Variants in NCOR1 observed in about 807,000 individuals in gnomAD.
NCOR1 encodes protein phosphatase 1, regulatory subunit 109.
NCOR1 carries 63 observed loss-of-function variants against 288.1 expected under a neutral mutation model. That is an observed-to-expected ratio of 0.22 (90% CI 0.18 to 0.27). The LOEUF is 0.27. Ranked by LOEUF, NCOR1 falls within the 10% of genes least tolerant of loss-of-function variation. The pLI, the probability that NCOR1 is intolerant of heterozygous loss-of-function variation, is 1.00. For missense variants in NCOR1, 2,397 were observed against 3,019.2 expected (o/e 0.79, Z 4.83); for synonymous variants, 1,007 against 1,065.9 (o/e 0.94, Z 1.08).
intron 3 of NCOR1, among the ~76,000 whole-genome samples, chr17:16,174,695 T>G (rs2083767050): frequency 6.6e-6 from 1 of 152,154 alleles, no homozygotes; most frequent in Admixed American, 6.5e-5. Context: ...TTAAATAAAC[T>G]ACGAAAATCT....
chr17:16,080,653 T>G lies in NCOR1; in HGVS notation c.3252A>C (p.Gly1084=), dbSNP rs2063251848. The change falls in exon 24 of 46, where the codon GGA becomes GGC. Residue 1084 remains glycine (G), a synonymous_variant. Transcript: ENST00000268712. The part of the protein sequence containing the change: ...YTQETPKPSV[G]SISLGLPRQQ... ...GCCGTGGCAGTCCAAGAGAGATAGA[T>G]CCCACTGACGGCTTGGGTGTTTCTT... is the stretch of plus-strand genomic sequence containing the variant. 2 of 1,613,968 alleles carry G rather than the reference T, an allele frequency of 1.2e-6. No individual in the cohort carries two copies. Among genetic ancestry groups the G allele is most frequent in the Admixed American group, 3.3e-5 (2 of 59,996 alleles).
intron 21 of NCOR1, among the ~76,000 whole-genome samples, chr17:16,092,402 A>G (rs1439587453): frequency 1.3e-5 from 2 of 151,794 alleles, no homozygotes; most frequent in African/African-American, 4.8e-5. Flanking sequence ...CATGAGAATC[A>G]CTTGAGCCTG....
At chr17:16,051,702 G>A (rs1403204396) in intron 40 of NCOR1, among the ~76,000 whole-genome samples, 4 of 151,948 alleles carry the variant, frequency 2.6e-5, no homozygotes, top group Non-Finnish European at 4.4e-5. Flanking sequence ...ACCGGAGGTC[G>A]GGAGTTTGAG....
At position 16,101,279 on chromosome 17, in the gene NCOR1, C is replaced by T. The variant is rs2067585789; in HGVS notation, c.2661G>A (p.Glu887=). ...NDSSATCSAD[E]DVDGEPERQR... ...GCCTCTCTGGCTCTCCATCCACATCCTCATCAGCGCTGCACGTGGCACTGG... is the reference window on the plus strand; with the variant it reads ...GCCTCTCTGGCTCTCCATCCACATCTTCATCAGCGCTGCACGTGGCACTGG... Residue 887 remains glutamate, a synonymous_variant, in exon 20 of 46, where the codon GAG becomes GAA. Transcript: ENST00000268712. The T allele has an allele frequency of 6.2e-7, 1 of 1,606,426 alleles. No homozygotes were observed. Among genetic ancestry groups the T allele is most frequent in the South Asian group, 1.1e-5 (1 of 89,522 alleles).
intron 14 of NCOR1, among the ~76,000 whole-genome samples, chr17:16,127,586 T>C (rs35799415): frequency 0.43 from 56,974 of 132,276 alleles, 15,197 homozygotes; most frequent in Middle Eastern, 0.56. Context: ...TACATATGTG[T>C]ATATATGTAT....
chr17:16,184,006 C>A (rs937685826), intron 3 of NCOR1, among the ~76,000 whole-genome samples: 7 of 152,078 alleles, frequency 4.6e-5, no homozygotes, highest in African/African-American at 1.7e-4. Flanking sequence ...TTCAATAATG[C>A]TGGGAAAACT....
At chr17:16,156,501 G>A (rs1485288569) in intron 6 of NCOR1, among the ~76,000 whole-genome samples, 1 of 150,032 alleles carries the variant, frequency 6.7e-6, no homozygotes, top group African/African-American at 2.5e-5. Context: ...GGAAAGGAGA[G>A]GGAGGAGGAG....
intron 1 of NCOR1, among the ~76,000 whole-genome samples, chr17:16,212,897 C>A (rs2092263934): frequency 6.6e-6 from 1 of 151,908 alleles, no homozygotes; most frequent in African/African-American, 2.4e-5. Flanking sequence ...CATGGTCAAA[C>A]CCTTTCTCTA....
rs183140474 is a variant in NCOR1, at chr17:16,095,851, C to T, written c.2820+2516G>A. 7.5e-3 allele frequency among the ~76,000 whole-genome samples: 1,146 copies of T among 152,040 alleles called. 18 individuals are homozygous for T. Among genetic ancestry groups the T allele is most frequent in the East Asian group, 0.049 (254 of 5,156 alleles). The stretch of plus-strand genomic sequence containing the variant: ...TACCCAACAGCTCATTGAGAACGGG[C>T]CATGATGACGATGGCGGTTTTGTGG... On this transcript the variant is annotated intron_variant, in intron 21 of 45. Transcript: ENST00000268712.
intron 14 of NCOR1, among the ~76,000 whole-genome samples, chr17:16,132,115 T>C (rs2075737235): frequency 6.6e-6 from 1 of 152,202 alleles, no homozygotes; most frequent in Non-Finnish European, 1.5e-5. Context: ...AATTGCTATA[T>C]TTACCTAAGT....
intron 26 of NCOR1, among the ~76,000 whole-genome samples, chr17:16,076,820 C>T (rs1349838537): frequency 1.3e-5 from 2 of 152,192 alleles, no homozygotes; most frequent in Non-Finnish European, 2.9e-5. Context: ...GTCTGAGCCA[C>T]TACAGCTTTC....
At chr17:16,063,667 C>T (rs116111328) in intron 35 of NCOR1, among the ~76,000 whole-genome samples, 2,447 of 152,270 alleles carry the variant, frequency 0.016, 61 homozygotes, top group African/African-American at 0.055. Flanking sequence ...CTGGACACAA[C>T]ATTTCACTGT....
At chr17:16,058,432 A>G (rs1389856260) in intron 38 of NCOR1, 39 bp downstream of exon 38, 11 of 1,602,894 alleles carry the variant, frequency 6.9e-6, no homozygotes, top group Non-Finnish European at 8.5e-6. Context: ...GATAAATGCA[A>G]ATATGAAAAC....
At chr17:16,143,006 T>A (rs556527270) in intron 11 of NCOR1, among the ~76,000 whole-genome samples, 128 of 152,290 alleles carry the variant, frequency 8.4e-4, no homozygotes, top group African/African-American at 2.9e-3. Context: ...AATCTCTATA[T>A]TCTCATTCAC....
intron 27 of NCOR1, among the ~76,000 whole-genome samples, chr17:16,074,988 C>T (rs2062241992): frequency 6.6e-6 from 1 of 152,156 alleles, no homozygotes; most frequent in Admixed American, 6.5e-5. Context: ...CTGGCTCAGC[C>T]TCCCGAGTAG....
At position 16,086,581 on chromosome 17, in the gene NCOR1, T is replaced by TGAC; in HGVS notation, c.3017-140_3017-139insGTC. On this transcript the variant is annotated intron_variant, in intron 22 of 45. Transcript: ENST00000268712. Reference sequence around the variant, plus strand: ...AAACCAACAATGAACATTTCTATTTTAAATTTCTCATTCACGTAAGCCTGT... The same window carrying TGAC: ...AAACCAACAATGAACATTTCTATTTTGACAAATTTCTCATTCACGTAAGCCTGT... 3 of 797,796 alleles carry TGAC rather than the reference T, an allele frequency of 3.8e-6. No individual in the cohort carries two copies. The South Asian group carries it at 6.1e-5, about 16-fold the overall frequency. The allele number at this position is 797,796 out of a possible 1,614,324, so 49.4% of individuals were successfully genotyped here.
intron 15 of NCOR1, chr17:16,122,623 T>A (rs371030010): frequency 6.6e-6 from 1 of 152,210 alleles, no homozygotes; most frequent in African/African-American, 2.4e-5. Flanking sequence ...TCTCCTCTCA[T>A]CCTTTCTTTT....
At chr17:16,048,143 T>C (rs1328185047) in intron 41 of NCOR1, among the ~76,000 whole-genome samples, 6 of 152,242 alleles carry the variant, frequency 3.9e-5, no homozygotes, top group Non-Finnish European at 7.3e-5. Context: ...GCAAGTGACA[T>C]GTCTGGCTTT....
At chr17:16,110,646 C>T (rs916743911) in intron 18 of NCOR1, among the ~76,000 whole-genome samples, 8 of 152,196 alleles carry the variant, frequency 5.3e-5, no homozygotes, top group South Asian at 4.1e-4. Flanking sequence ...ACAGAGCCTA[C>T]GTTTCACCTC....
Sources: gnomAD v4.1 joint callset for allele counts (sites outside exome capture counted in the v4.1 genomes callset) on GRCh38, gnomAD v4.1.1 for gene constraint, MANE v1.5 for transcripts, NCBI Gene and HGNC (gene_info 2026-07-23, HGNC 2026-07-21) for gene names.